Variants in RAD50 observed in about 807,000 individuals in gnomAD.
The protein encoded by RAD50 is RAD50 double strand break repair protein, also known as DNA repair protein RAD50.
A neutral mutation model predicts 168.8 loss-of-function variants in RAD50; 132 were observed. That is an observed-to-expected ratio of 0.78 (90% CI 0.68 to 0.90). The LOEUF is 0.90. Ranked by LOEUF, RAD50 falls within the 40% of genes least tolerant of loss-of-function variation. RAD50 has a pLI of 0.00. For synonymous variants in RAD50, 525 were observed against 497.4 expected (o/e 1.06, Z -0.74); for missense variants, 1,347 against 1,534.4 (o/e 0.88, Z 2.04).
intron 2 of RAD50, among the ~76,000 whole-genome samples, chr5:132,571,362 C>T (rs1750303985): frequency 6.6e-6 from 1 of 152,092 alleles, no homozygotes; most frequent in Non-Finnish European, 1.5e-5. Flanking sequence ...ATAATTCATT[C>T]AGGTAAGAAA....
intron 21 of RAD50, among the ~76,000 whole-genome samples, chr5:132,619,887 G>A (rs28437083): frequency 0.013 from 1,624 of 124,490 alleles, 38 homozygotes; most frequent in African/African-American, 0.053. Context: ...TATATATATA[G>A]AGAGAGAGAG....
chr5:132,584,798 A>G (rs1750565086), intron 5 of RAD50, among the ~76,000 whole-genome samples: 1 of 152,086 alleles, frequency 6.6e-6, no homozygotes, highest in Non-Finnish European at 1.5e-5. Flanking sequence ...CTTTGTAGGG[A>G]CATGGATGAA....
At chr5:132,567,931 G>T (rs1044455568) in intron 2 of RAD50, among the ~76,000 whole-genome samples, 2 of 152,148 alleles carry the variant, frequency 1.3e-5, no homozygotes, top group Non-Finnish European at 2.9e-5. Flanking sequence ...CATCTACAAT[G>T]TGCAGAATAT....
chr5:132,566,036 T>C (rs900563901), intron 2 of RAD50, among the ~76,000 whole-genome samples: 2 of 152,206 alleles, frequency 1.3e-5, no homozygotes, highest in East Asian at 1.9e-4. Context: ...ACAACTAGAT[T>C]GTTTGGAGAA....
rs904427455 is a variant in RAD50, at chr5:132,589,521, A to G, written c.1246-110A>G. On this transcript the variant is annotated intron_variant, in intron 8 of 24. Coordinates refer to ENST00000378823, the MANE Select transcript of RAD50 (RefSeq NM_005732.4). ...GGAATATATCCCTGCTGAGCAACAC[A>G]CGACTGTACTTTTTTGTATTTTCTT... 60 of 831,126 alleles carry G rather than the reference A, an allele frequency of 7.2e-5. No individual in the cohort carries two copies. In the South Asian group the frequency reaches 1.1e-3, roughly 15 times the overall value. 51.5% of individuals were successfully genotyped at this position (831,126 alleles called of 1,614,324 possible).
At chr5:132,637,436 A>G (rs1458333372) in intron 22 of RAD50, among the ~76,000 whole-genome samples, 2 of 152,222 alleles carry the variant, frequency 1.3e-5, no homozygotes, top group East Asian at 1.9e-4. Flanking sequence ...TATTTAGCTG[A>G]TGACATAATA....
rs369138046 is a variant in RAD50, at chr5:132,588,853, G to C, written c.1218G>C (p.Gly406=). ...AACTTGTGAGAGAGAGACAAGAAGGGGAAGCAAAAACTGCCAACCAACTGA... is the reference window on the plus strand; with the variant it reads ...AACTTGTGAGAGAGAGACAAGAAGGCGAAGCAAAAACTGCCAACCAACTGA... ...FHKLVRERQE[G]EAKTANQLMN... is the part of the protein sequence containing the mutation. The change falls in exon 8 of 25, where the codon GGG becomes GGC. Residue 406 remains glycine, a synonymous_variant. Transcript: ENST00000378823. The C allele has an allele frequency of 6.2e-7, 1 of 1,613,722 alleles. No individual in the cohort carries two copies. The highest frequency in any genetic ancestry group is 8.5e-7 in the Non-Finnish European group (1 of 1,179,842).
chr5:132,634,226 A>G (rs930237521), intron 21 of RAD50, among the ~76,000 whole-genome samples: 2 of 152,070 alleles, frequency 1.3e-5, no homozygotes, highest in African/African-American at 4.8e-5. Flanking sequence ...CTCCTGCTCA[A>G]TCATTTCCTT....
At chr5:132,642,038 C>A (rs1425144213) in intron 24 of RAD50, 140 bp from the exon 25 acceptor site, 1 of 876,812 alleles carries the variant, frequency 1.1e-6, no homozygotes, top group Non-Finnish European at 1.8e-6. Flanking sequence ...CCTGGGGCCA[C>A]CCCTCCACTT....
intron 13 of RAD50, among the ~76,000 whole-genome samples, chr5:132,601,891 A>G (rs1581000207): frequency 1.3e-5 from 2 of 152,086 alleles, no homozygotes; most frequent in Non-Finnish European, 2.9e-5. Context: ...AAAACCAAAC[A>G]TTGCATGTTC....
chr5:132,636,175 T>C (rs1412053910), intron 21 of RAD50, among the ~76,000 whole-genome samples: 1 of 152,220 alleles, frequency 6.6e-6, no homozygotes, highest in Non-Finnish European at 1.5e-5. Flanking sequence ...GTTTGCCTTT[T>C]TACCACTGGT....
At chr5:132,632,813 G>A (rs1184371751) in intron 21 of RAD50, among the ~76,000 whole-genome samples, 5 of 152,170 alleles carry the variant, frequency 3.3e-5, no homozygotes, top group Non-Finnish European at 4.4e-5. Context: ...CCCATTCCAT[G>A]TCTGGATTTT....
intron 19 of RAD50, 129 bp from the exon 20 acceptor site, chr5:132,615,874 C>A: frequency 5.4e-6 from 5 of 931,896 alleles, no homozygotes; most frequent in Non-Finnish European, 8.5e-6. Flanking sequence ...CTGGCTTATT[C>A]TCCCTCTGTT....
chr5:132,563,917 TCCTC>T (rs760327657), intron 2 of RAD50, among the ~76,000 whole-genome samples: 4 of 152,154 alleles, frequency 2.6e-5, no homozygotes, highest in Admixed American at 6.5e-5. Flanking sequence ...TTCACTCTCT[TCCTC>T]CTGTTCTGGC....
intron 2 of RAD50, among the ~76,000 whole-genome samples, chr5:132,568,939 A>G (rs1294368153): frequency 6.6e-6 from 1 of 152,228 alleles, no homozygotes; most frequent in East Asian, 1.9e-4. Flanking sequence ...ACAAAGGTTC[A>G]AAAGAATCCA....
At chr5:132,584,360 GT>G (rs950874525) in intron 5 of RAD50, among the ~76,000 whole-genome samples, 1 of 152,032 alleles carries the variant, frequency 6.6e-6, no homozygotes, top group Non-Finnish European at 1.5e-5. Flanking sequence ...GGGGTTGTTT[GT>G]TTTTTTCTTG....
At chr5:132,587,029 C>T (rs1750605967) in intron 5 of RAD50, among the ~76,000 whole-genome samples, 1 of 152,184 alleles carries the variant, frequency 6.6e-6, no homozygotes, top group Non-Finnish European at 1.5e-5. Flanking sequence ...GGAGATGAGG[C>T]AACCAGCTGT....
At chr5:132,609,037 C>G in intron 17 of RAD50, 80 bp from the exon 18 acceptor site, 3 of 1,560,630 alleles carry the variant, frequency 1.9e-6, no homozygotes, top group Non-Finnish European at 2.6e-6. Context: ...TCATAACTTC[C>G]CAGCCAGTGT....
chr5:132,595,169 T>G (rs1750767986), intron 12 of RAD50, 125 bp downstream of exon 12: 2 of 1,032,652 alleles, frequency 1.9e-6, no homozygotes, highest in South Asian at 1.4e-5. Context: ...ATTTCAGTCC[T>G]GGCTCTACAA....
Sources: allele counts gnomAD v4.1 joint callset (sites outside exome capture counted in the v4.1 genomes callset), GRCh38; gene constraint gnomAD v4.1.1; transcripts MANE v1.5; gene names NCBI Gene and HGNC (gene_info 2026-07-23, HGNC 2026-07-21).